The following ZRANB2 variants were observed in gnomAD, a reference collection of about 807,000 sequenced individuals.
ZRANB2 encodes zinc finger Ran-binding domain-containing protein 2.
Under a neutral mutation model 53.4 loss-of-function variants are expected in ZRANB2, and 19 were observed. The observed-to-expected ratio is 0.36, with a 90% CI of 0.25 to 0.52. The LOEUF (loss-of-function observed/expected upper bound fraction) is 0.52, where lower values mean the gene tolerates loss of function less well. Ranked by LOEUF, ZRANB2 falls within the 20% of genes least tolerant of loss-of-function variation. The pLI, the probability that ZRANB2 is intolerant of heterozygous loss-of-function variation, is 0.93. For synonymous variants in ZRANB2, 145 were observed against 134.8 expected (o/e 1.08, Z -0.52); for missense variants, 309 against 401.1 (o/e 0.77, Z 1.96).
In ZRANB2 at chr1:71,072,191, A is replaced by G. The variant is rs2101046913; in HGVS notation, c.443T>C (p.Val148Ala). The change falls in exon 6 of 10, where the codon GTT (valine) becomes GCT (alanine). Residue 148 changes from valine to alanine, a missense_variant. Transcript: ENST00000370920. ...AVGPASILKEVEDKESEGEEE... is the reference protein window; with the variant it reads ...AVGPASILKEAEDKESEGEEE... ...TTCTCCCTCTGATTCTTTATCTTCA[A>G]CTTCCTTTAATATAGATGCAGGACC... 3 of 1,612,334 alleles carry G rather than the reference A, an allele frequency of 1.9e-6. No individual in the cohort carries two copies. The highest frequency in any genetic ancestry group is 2.2e-5 in the South Asian group (2 of 90,928).
chr1:71,076,737 G>T (rs185334798), intron 4 of ZRANB2, 58 bp downstream of exon 4: 21 of 1,261,350 alleles, frequency 1.7e-5, no homozygotes, highest in Non-Finnish European at 2.1e-5. Context: ...TACAATTATC[G>T]TTTCAATATT....
intron 9 of ZRANB2, chr1:71,065,528 G>C (rs1156459752): frequency 8.0e-7 from 1 of 1,243,132 alleles, no homozygotes; most frequent in Non-Finnish European, 1.1e-6. Context: ...AGTGTAAGAA[G>C]TCTATTATGT....
intron 7 of ZRANB2, among the ~76,000 whole-genome samples, chr1:71,069,928 TAA>T (rs1315703724): frequency 6.6e-6 from 1 of 152,164 alleles, no homozygotes; most frequent in African/African-American, 2.4e-5. Context: ...GTACAAATTT[TAA>T]AACTCACAAA....
At chr1:71,080,101 T>C (rs563243163) in intron 1 of ZRANB2, among the ~76,000 whole-genome samples, 6 of 152,330 alleles carry the variant, frequency 3.9e-5, no homozygotes, top group East Asian at 3.9e-4. Context: ...CAAAACCTAT[T>C]TGTGGCTAAC....
In ZRANB2 at chr1:71,070,903, G is replaced by T. The variant is rs761310727; in HGVS notation, c.607C>A (p.Arg203Ser). The T allele has an allele frequency of 2.5e-6, 4 of 1,611,194 alleles. No individual in the cohort carries two copies. The East Asian group carries it at 8.9e-5, about 36-fold the overall frequency. ...GAATGTGAAGATCGAGACTTTGAGC[G>T]ACTTCGTCTATTAGATTTCTTTTTA... ...SNKKKSNRRS[R>S]SKSRSSHSRS... The change falls in exon 7 of 10, where the codon CGC (arginine) becomes AGC (serine). Residue 203 changes from arginine to serine, a missense_variant. By Grantham distance (110) the Arg-to-Ser change is moderately radical (BLOSUM62 -1). This residue lies in a region of ZRANB2 where 211 missense variants were observed against 196.1 expected (regional missense o/e 1.08). Coordinates refer to ENST00000370920, the MANE Select transcript of ZRANB2 (RefSeq NM_203350.3).
intron 3 of ZRANB2, 146 bp downstream of exon 3, chr1:71,078,305 CTATACT>C (rs1223274492): frequency 1.5e-6 from 1 of 648,302 alleles, no homozygotes; most frequent in East Asian, 2.8e-5. Flanking sequence ...CTTCTTTATA[CTATACT>C]TAAAGATGAG....
At chr1:71,067,094 T>A (rs1436669902) in intron 8 of ZRANB2, 160 bp from the exon 9 acceptor site, 2 of 597,104 alleles carry the variant, frequency 3.3e-6, no homozygotes, top group Non-Finnish European at 5.3e-6. Flanking sequence ...GACTTCTGGA[T>A]CAACCATGAA....
At chr1:71,080,513 G>A (rs1661815896) in intron 1 of ZRANB2, among the ~76,000 whole-genome samples, 2 of 152,096 alleles carry the variant, frequency 1.3e-5, no homozygotes, top group South Asian at 2.1e-4. Flanking sequence ...ACTATAAGAG[G>A]CAAAAGGACG....
At chr1:71,074,462 T>C (rs1265867576) in intron 4 of ZRANB2, among the ~76,000 whole-genome samples, 5 of 151,722 alleles carry the variant, frequency 3.3e-5, no homozygotes, top group African/African-American at 1.2e-4. Context: ...ATTGTGACAA[T>C]GGAAAAAAAG....
At chr1:71,069,599 C>A (rs1247129837) in intron 7 of ZRANB2, 5 of 291,654 alleles carry the variant, frequency 1.7e-5, no homozygotes, top group African/African-American at 2.2e-5. Flanking sequence ...AACTATAAAA[C>A]AAAACATTAT....
At chr1:71,079,834 T>C (rs1288096622) in intron 1 of ZRANB2, among the ~76,000 whole-genome samples, 2 of 152,186 alleles carry the variant, frequency 1.3e-5, no homozygotes, top group Non-Finnish European at 2.9e-5. Context: ...CTCAGAGCAA[T>C]ACTATCCATA....
intron 8 of ZRANB2, chr1:71,067,549 C>T (rs564853308): frequency 1.4e-5 from 5 of 360,402 alleles, no homozygotes; most frequent in Non-Finnish European, 2.8e-5. Flanking sequence ...TTGACATTCA[C>T]ATGCTTCAGG....
intron 6 of ZRANB2, 38 bp downstream of exon 6, chr1:71,072,083 A>G (rs778533279): frequency 3.1e-5 from 49 of 1,594,546 alleles, no homozygotes; most frequent in Non-Finnish European, 3.8e-5. Flanking sequence ...TATAACTCCA[A>G]TAAGACAAAA....
At chr1:71,069,486 T>A in intron 7 of ZRANB2, 124 bp from the exon 8 acceptor site, 1 of 556,254 alleles carries the variant, frequency 1.8e-6, no homozygotes, top group Non-Finnish European at 3.1e-6. Flanking sequence ...ATACAAGATA[T>A]ATACTTTCAA....
intron 4 of ZRANB2, among the ~76,000 whole-genome samples, chr1:71,072,976 G>A (rs1274865093): frequency 6.6e-6 from 1 of 152,154 alleles, no homozygotes; most frequent in Non-Finnish European, 1.5e-5. Context: ...CTGAAATTTT[G>A]CTACTTTAAA....
chr1:71,065,169 T>TAA, intron 9 of ZRANB2, 32 bp from the exon 10 acceptor site: 1 of 1,535,484 alleles, frequency 6.5e-7, no homozygotes, highest in Non-Finnish European at 9.0e-7. Flanking sequence ...GTAGGCATTC[T>TAA]AGTAAGCTAG....
At chr1:71,079,693 C>T (rs1344363539) in intron 1 of ZRANB2, among the ~76,000 whole-genome samples, 1 of 152,152 alleles carries the variant, frequency 6.6e-6, no homozygotes, top group Non-Finnish European at 1.5e-5. Flanking sequence ...GAAATGAACT[C>T]TCATTGAGAG....
At chr1:71,070,673 G>A (rs1349356966) in intron 7 of ZRANB2, among the ~76,000 whole-genome samples, 154 bp downstream of exon 7, 1 of 152,038 alleles carries the variant, frequency 6.6e-6, no homozygotes, top group African/African-American at 2.4e-5. Flanking sequence ...CAACTGTATG[G>A]TACTAAGCTG....
At position 71,072,272 on chromosome 1, in the gene ZRANB2, T is replaced by A. The variant is rs762075585; in HGVS notation, c.379-17A>T. ...ACGTCCAAACTAGAGAAAAACAATTTCAAAATGCTTGTCAGCTGATAATGC... is the reference window on the plus strand; with the variant it reads ...ACGTCCAAACTAGAGAAAAACAATTACAAAATGCTTGTCAGCTGATAATGC... On this transcript the variant is annotated splice_polypyrimidine_tract_variant and intron_variant, in intron 5 of 9. Coordinates refer to ENST00000370920, the MANE Select transcript of ZRANB2 (RefSeq NM_203350.3). 5 of 1,600,446 alleles carry A rather than the reference T, an allele frequency of 3.1e-6. No homozygotes were observed. In the East Asian group the frequency reaches 1.1e-4, roughly 36 times the overall value.
Sources: gnomAD v4.1 joint callset for allele counts (sites outside exome capture counted in the v4.1 genomes callset) on GRCh38, gnomAD v4.1.1 for gene constraint, gnomAD v4.1.1 regional missense constraint, MANE v1.5 for transcripts, NCBI Gene and HGNC (gene_info 2026-07-23, HGNC 2026-07-21) for gene names.